The following TTC27 variants were observed in gnomAD, a reference collection of about 807,000 sequenced individuals.
TTC27 encodes tetratricopeptide repeat protein 27.
TTC27 carries 79 observed loss-of-function variants against 115.9 expected under a neutral mutation model. The ratio of observed to expected loss-of-function variants is 0.68; its 90% CI spans 0.57 to 0.82. TTC27 has a LOEUF of 0.82. Among genes scored for constraint, TTC27 ranks in the 40% least tolerant of loss-of-function variants. The pLI is 0.00. For missense variants in TTC27, 1,054 were observed against 993.1 expected (o/e 1.06, Z -0.82); for synonymous variants, 401 against 356.0 (o/e 1.13, Z -1.42).
rs745984616 is a variant in TTC27 at position 32,800,646 on chromosome 2, C to T, written c.1999-10378C>T. ...CCAGGTAGCCAGGATTACAGGCATG[C>T]GCCACTATGCCCAGCTAATTTTTGT... On this transcript the variant is annotated intron_variant, in intron 16 of 19. Coordinates refer to ENST00000317907, the MANE Select transcript of TTC27 (RefSeq NM_017735.5). Among the ~76,000 whole-genome samples, 111 of 151,966 alleles carry T rather than the reference C, an allele frequency of 7.3e-4. 3 individuals are homozygous for T. Among genetic ancestry groups the T allele is most frequent in the Middle Eastern group, 6.8e-3 (2 of 292 alleles).
At chr2:32,657,721 C>T (rs560015639) in intron 5 of TTC27, among the ~76,000 whole-genome samples, 3 of 152,240 alleles carry the variant, frequency 2.0e-5, no homozygotes, top group African/African-American at 7.2e-5. Context: ...CTTTTTCATA[C>T]CCCTTTCCCC....
rs111509036 is a variant in TTC27, at chr2:32,719,334, A to T, written c.1234-14494A>T. ...CCTAGTCATCAAGAAAAAAGGTCAA[A>T]ATGTTTAAAGGATGGAATAGCAGGG... is the stretch of plus-strand genomic sequence containing the variant. On this transcript the variant is annotated intron_variant, in intron 10 of 19. Coordinates refer to ENST00000317907, the MANE Select transcript of TTC27 (RefSeq NM_017735.5). Among the ~76,000 whole-genome samples, 506 of 152,316 alleles carry T rather than the reference A, an allele frequency of 3.3e-3. 2 individuals are homozygous for T. The highest frequency in any genetic ancestry group is 0.01 in the African/African-American group (420 of 41,572).
chr2:32,702,817 C>T lies in TTC27; in HGVS notation c.1130C>T (p.Ser377Leu). 1 of 1,612,974 alleles carries T rather than the reference C, an allele frequency of 6.2e-7. No homozygotes were observed. The highest frequency in any genetic ancestry group is 8.5e-7 in the Non-Finnish European group (1 of 1,179,412). ...TCCCGCTTCTATCAGTGTTTGCTTT[C>T]ACAACCAAAGTTCTGGGCCATTCAG... ...ELLAFTSCLL[S>L]QPKFWAIQTS... Residue 377 changes from serine (S) to leucine (L), a missense_variant, in exon 10 of 20, where the codon TCA becomes TTA. By Grantham distance (145) the Ser-to-Leu change is moderately radical. Coordinates refer to ENST00000317907, the MANE Select transcript of TTC27 (RefSeq NM_017735.5).
chr2:32,714,417 C>T (rs1247758734), intron 10 of TTC27, among the ~76,000 whole-genome samples: 1 of 152,138 alleles, frequency 6.6e-6, no homozygotes, highest in Non-Finnish European at 1.5e-5. Flanking sequence ...CTCGGCCTCC[C>T]AAAGTGCTGG....
At chr2:32,755,206 C>T (rs1262380143) in intron 12 of TTC27, among the ~76,000 whole-genome samples, 2 of 152,172 alleles carry the variant, frequency 1.3e-5, no homozygotes, top group African/African-American at 4.8e-5. Flanking sequence ...GCTGCAATCT[C>T]GGCACTTTGG....
intron 12 of TTC27, among the ~76,000 whole-genome samples, chr2:32,741,344 C>A (rs1230507202): frequency 6.6e-6 from 1 of 152,042 alleles, no homozygotes; most frequent in African/African-American, 2.4e-5. Context: ...AAGAACCAGA[C>A]CTGTGTCAAC....
chr2:32,648,136 T>C (rs889553078), intron 4 of TTC27, among the ~76,000 whole-genome samples: 1 of 151,050 alleles, frequency 6.6e-6, no homozygotes, highest in African/African-American at 2.4e-5. Flanking sequence ...CGTATATACT[T>C]TTTTTTTTGA....
chr2:32,753,096 G>A (rs1669073230), intron 12 of TTC27, among the ~76,000 whole-genome samples: 1 of 152,176 alleles, frequency 6.6e-6, no homozygotes, highest in Admixed American at 6.5e-5. Context: ...GACACTTGGG[G>A]ACTGGCTAGG....
chr2:32,738,842 C>T (rs1431561357), intron 12 of TTC27, among the ~76,000 whole-genome samples: 2 of 151,880 alleles, frequency 1.3e-5, no homozygotes, highest in African/African-American at 4.8e-5. Context: ...AGAAGGATAC[C>T]CAAAAGTAGA....
At chr2:32,673,856 G>A (rs942708402) in intron 8 of TTC27, among the ~76,000 whole-genome samples, 3 of 152,000 alleles carry the variant, frequency 2.0e-5, no homozygotes, top group South Asian at 2.1e-4. Flanking sequence ...TTAGCTGGGT[G>A]TGGTGGCAGG....
chr2:32,804,800 G>C (rs1281659693), intron 16 of TTC27, among the ~76,000 whole-genome samples: 1 of 151,664 alleles, frequency 6.6e-6, no homozygotes, highest in African/African-American at 2.4e-5. Flanking sequence ...AGATTAGAAA[G>C]AAATTTATTC....
At chr2:32,692,036 G>GTTTTTTTTTTTTTTTTGTTTTTTTTT (rs1666831877) in intron 9 of TTC27, among the ~76,000 whole-genome samples, 1 of 61,188 alleles carries the variant, frequency 1.6e-5, no homozygotes, top group Non-Finnish European at 2.9e-5. Context: ...AATTTTTTAG[G>GTTTTTTTTTTTTTTTTGTTTTTTTTT]TTTTTTTTTT....
intron 16 of TTC27, among the ~76,000 whole-genome samples, chr2:32,806,654 C>T (rs561604743): frequency 3.9e-5 from 6 of 152,068 alleles, no homozygotes; most frequent in South Asian, 4.2e-4. Context: ...TGGTGGCACG[C>T]GCCTGTAGTC....
At chr2:32,697,983 C>G (rs1667050315) in intron 9 of TTC27, among the ~76,000 whole-genome samples, 1 of 152,086 alleles carries the variant, frequency 6.6e-6, no homozygotes, top group South Asian at 2.1e-4. Flanking sequence ...GAATTCCTGA[C>G]CTCAAGTGAT....
intron 5 of TTC27, among the ~76,000 whole-genome samples, chr2:32,658,832 G>A (rs1319275964): frequency 6.6e-6 from 1 of 152,048 alleles, no homozygotes; most frequent in Non-Finnish European, 1.5e-5. Context: ...TGTTTTACTA[G>A]GTTATTATCC....
At chr2:32,665,008 A>AT (rs112002677) in intron 6 of TTC27, among the ~76,000 whole-genome samples, 268 of 144,306 alleles carry the variant, frequency 1.9e-3, no homozygotes, top group African/African-American at 5.7e-3. Context: ...AATTTTTTTT[A>AT]TTTTTTTTTT....
At chr2:32,701,096 T>C (rs1344748451) in intron 9 of TTC27, among the ~76,000 whole-genome samples, 1 of 152,148 alleles carries the variant, frequency 6.6e-6, no homozygotes, top group Non-Finnish European at 1.5e-5. Flanking sequence ...AGAATAAGAT[T>C]AGAATATATA....
chr2:32,723,543 C>T (rs914331189), intron 10 of TTC27, among the ~76,000 whole-genome samples: 29 of 152,014 alleles, frequency 1.9e-4, no homozygotes, highest in Admixed American at 9.2e-4. Flanking sequence ...TATGATTTAA[C>T]GGGATGAATG....
chr2:32,649,606 G>A (rs1665007470), intron 4 of TTC27, among the ~76,000 whole-genome samples: 1 of 150,766 alleles, frequency 6.6e-6, no homozygotes, highest in Non-Finnish European at 1.5e-5. Context: ...GTGCAATGGT[G>A]CATCCTCGGC....
Sources: gnomAD v4.1 joint callset for allele counts (sites outside exome capture counted in the v4.1 genomes callset) on GRCh38, gnomAD v4.1.1 for gene constraint, MANE v1.5 for transcripts, NCBI Gene and HGNC (gene_info 2026-07-23, HGNC 2026-07-21) for gene names.